Variants in TOR4A observed in about 807,000 individuals in gnomAD.
TOR4A encodes the protein torsin family 4 member A, also known as torsin-4A.
In TOR4A, 12 loss-of-function variants were observed where a neutral mutation model predicts 11.5. The ratio of observed to expected loss-of-function variants is 1.04; its 90% CI spans 0.67 to 1.69. The LOEUF is 1.69. TOR4A is among the 40% of genes most tolerant of loss of function. The pLI, the probability that TOR4A is intolerant of heterozygous loss-of-function variation, is 0.00. For synonymous variants in TOR4A, 362 were observed against 307.4 expected (o/e 1.18, Z -1.86); for missense variants, 640 against 643.2 (o/e 0.99, Z 0.05).
Position 137,279,577 on chromosome 9 carries a change from C to T in TOR4A, c.888C>T (p.Tyr296=), listed in dbSNP as rs762976423. 11 of 1,578,070 alleles carry T rather than the reference C, an allele frequency of 7.0e-6. 1 individual carries two copies. In the South Asian group the frequency reaches 1.0e-4, roughly 14 times the overall value. ...CCCACCACTTCCACAACGCCATCTA[C>T]GTGCTCCTCAGTGGCGCGGGTGGCG... The part of the protein sequence containing the change: ...QRSHHFHNAI[Y]VLLSGAGGAE... Residue 296 remains tyrosine, a synonymous_variant, in exon 2 of 2, where the codon TAC becomes TAT. Coordinates refer to ENST00000357503, the MANE Select transcript of TOR4A (RefSeq NM_017723.3).
Position 137,279,104 on chromosome 9 carries a change from G to T in TOR4A, c.415G>T (p.Glu139Ter). 6.3e-7 allele frequency: 1 copy of T among 1,598,170 alleles called. No individual in the cohort carries two copies. Among genetic ancestry groups the T allele is most frequent in the South Asian group, 1.1e-5 (1 of 88,714 alleles). ...IVGFQVLNAI[E>*]NLDDNAQRYD... ...GGGCTTCCAAGTTCTCAACGCTATC[G>T]AGAACCTGGACGATAACGCGCAGCG... The change falls in exon 2 of 2, where the codon GAG becomes TAG. Residue 139 changes from glutamate to a stop codon, truncating the protein, a stop_gained. Transcript: ENST00000357503. LOFTEE classifies it high-confidence loss of function.
Position 137,279,614 on chromosome 9 carries a change from C to T in TOR4A, c.925C>T (p.Arg309Cys). The T allele has an allele frequency of 6.4e-7, 1 of 1,566,066 alleles. No individual in the cohort carries two copies. The highest frequency in any genetic ancestry group is 1.4e-5 in the African/African-American group (1 of 73,930). Reference sequence around the variant, plus strand: ...TGGCGCGGGTGGCGCCGAGGTCACGCGCTTCGTGCTGCAGAACGCGTCCCG... The same window carrying T: ...TGGCGCGGGTGGCGCCGAGGTCACGTGCTTCGTGCTGCAGAACGCGTCCCG... ...LSGAGGAEVT[R>C]FVLQNASRAL... The change falls in exon 2 of 2, where the codon CGC (arginine) becomes TGC (cysteine). Residue 309 changes from arginine to cysteine, a missense_variant. Physicochemically the swap from Arg to Cys is radical, Grantham distance 180 (BLOSUM62 -3). Transcript: ENST00000357503.
At position 137,281,041 on chromosome 9, in the gene TOR4A, A is replaced by C. The variant is rs1330403345; in HGVS notation, c.*1080A>C. The C allele has an allele frequency of 6.1e-6, 1 of 164,932 alleles. No individual in the cohort carries two copies. Among genetic ancestry groups the C allele is most frequent in the South Asian group, 2.1e-4 (1 of 4,826 alleles). 10.2% of individuals were successfully genotyped at this position (164,932 alleles called of 1,614,324 possible). A position where few individuals can be genotyped will look rare whatever the true frequency, so the allele number is the denominator to read the frequency against. On this transcript the variant is annotated 3_prime_UTR_variant, in exon 2 of 2. Coordinates refer to ENST00000357503, the MANE Select transcript of TOR4A (RefSeq NM_017723.3). Reference sequence around the variant, plus strand: ...TGCCGCCTTGTGGCGCGCCCGGCCCAGCCGGTGGCTTCTGTGGTCGCCGGG... The same window carrying C: ...TGCCGCCTTGTGGCGCGCCCGGCCCCGCCGGTGGCTTCTGTGGTCGCCGGG...
chr9:137,279,579 TG>T lies in TOR4A; in HGVS notation c.891del (p.Leu298SerfsTer123). On this transcript the variant is annotated frameshift_variant, in exon 2 of 2. Transcript: ENST00000357503. LOFTEE classifies it low-confidence loss of function (END_TRUNC). ...CACCACTTCCACAACGCCATCTACG[TG>T]CTCCTCAGTGGCGCGGGTGGCGCCG... ...RSHHFHNAIY[V>X]LLSGAGGAEV... 6.3e-7 allele frequency: 1 copy of T among 1,576,436 alleles called. No individual in the cohort carries two copies. The highest frequency in any genetic ancestry group is 8.6e-7 in the Non-Finnish European group (1 of 1,164,702).
chr9:137,280,095 G>T lies in TOR4A; in HGVS notation c.*134G>T. 9.8e-7 allele frequency: 1 copy of T among 1,022,746 alleles called. No homozygotes were observed. The highest frequency in any genetic ancestry group is 1.6e-5 in the African/African-American group (1 of 61,592). 63.4% of individuals were successfully genotyped at this position (1,022,746 alleles called of 1,614,324 possible). A position where few individuals can be genotyped will look rare whatever the true frequency, so the allele number is the denominator to read the frequency against. On this transcript the variant is annotated 3_prime_UTR_variant, in exon 2 of 2. Transcript: ENST00000357503. ...CGGCTGGTGGGTGCGGATCAGCTTG[G>T]AGCTCTGCTTCCAGGTCCACACCCG... is the stretch of plus-strand genomic sequence containing the variant.
chr9:137,278,878 C>A lies in TOR4A; in HGVS notation c.189C>A (p.Ser63Arg). The A allele has an allele frequency of 6.5e-7, 1 of 1,539,624 alleles. No individual in the cohort carries two copies. Among genetic ancestry groups the A allele is most frequent in the Non-Finnish European group, 8.7e-7 (1 of 1,149,042 alleles). ...VGTGAPRPGC[S>R]PRAPRADLDQ... ...CCGGGGCGCCCAGGCCGGGCTGCAG[C>A]CCCCGGGCACCGCGCGCGGACCTGG... The change falls in exon 2 of 2, where the codon AGC (serine) becomes AGA (arginine). Residue 63 changes from serine (S) to arginine (R), a missense_variant. By Grantham distance (110) the Ser-to-Arg change is moderately radical. Transcript: ENST00000357503.
Position 137,279,103 on chromosome 9 carries a change from C to G in TOR4A, c.414C>G (p.Ile138Met). The stretch of plus-strand genomic sequence containing the variant: ...TGGGCTTCCAAGTTCTCAACGCTAT[C>G]GAGAACCTGGACGATAACGCGCAGC... ...AIVGFQVLNA[I>M]ENLDDNAQRY... Residue 138 changes from isoleucine (I) to methionine (M), a missense_variant, in exon 2 of 2, where the codon ATC becomes ATG. Ile to Met is a conservative substitution (Grantham distance 10, BLOSUM62 1). Coordinates refer to ENST00000357503, the MANE Select transcript of TOR4A (RefSeq NM_017723.3). The G allele has an allele frequency of 6.3e-7, 1 of 1,598,778 alleles. No homozygotes were observed. The highest frequency in any genetic ancestry group is 1.3e-5 in the African/African-American group (1 of 74,762).
At position 137,278,734 on chromosome 9, in the gene TOR4A, C is replaced by G; in HGVS notation, c.45C>G (p.Pro15=). The change falls in exon 2 of 2, where the codon CCC becomes CCG. Residue 15 remains proline, a synonymous_variant. Transcript: ENST00000357503. Reference sequence around the variant, plus strand: ...GCCTGGAGCCTGCTGCCGCGGCCCCCCGAGCCTCGGGCCGGTGCGTGATCG... The same window carrying G: ...GCCTGGAGCCTGCTGCCGCGGCCCCGCGAGCCTCGGGCCGGTGCGTGATCG... ...QPSLEPAAAA[P]RASGRCVIAP... The G allele has an allele frequency of 7.2e-7, 1 of 1,381,356 alleles. No homozygotes were observed. 85.6% of individuals were successfully genotyped at this position (1,381,356 alleles called of 1,614,324 possible).
In TOR4A at chr9:137,279,230, A is replaced by G; in HGVS notation, c.541A>G (p.Thr181Ala). ...GGCGCTGATGCGGGACTACCTGGCC[A>G]CGCATGTGCACAGTCGTCCGCTCCT... ...IVALMRDYLA[T>A]HVHSRPLLLA... Residue 181 changes from threonine (T) to alanine (A), a missense_variant, in exon 2 of 2, where the codon ACG (threonine) becomes GCG (alanine). Thr to Ala is a moderately conservative substitution (Grantham distance 58). Coordinates refer to ENST00000357503, the MANE Select transcript of TOR4A (RefSeq NM_017723.3). 2 of 1,539,260 alleles carry G rather than the reference A, an allele frequency of 1.3e-6. No individual in the cohort carries two copies. The highest frequency in any genetic ancestry group is 1.8e-6 in the Non-Finnish European group (2 of 1,142,452).
rs765721278 is a variant in TOR4A, at chr9:137,278,650, C to T, written c.-37-3C>T. 6 of 1,287,682 alleles carry T rather than the reference C, an allele frequency of 4.7e-6. No individual in the cohort carries two copies. The South Asian group carries it at 6.9e-5, about 15-fold the overall frequency. 79.8% of individuals were successfully genotyped at this position (1,287,682 alleles called of 1,614,324 possible). A position where few individuals can be genotyped will look rare whatever the true frequency, so the allele number is the denominator to read the frequency against. ...AGAGACCCTCCCCGTCTTCCCGTTG[C>T]AGGGAGGGCGACCTGTATGCGGAGC... On this transcript the variant is annotated splice_region_variant and splice_polypyrimidine_tract_variant and intron_variant, in intron 1 of 1. Coordinates refer to ENST00000357503, the MANE Select transcript of TOR4A (RefSeq NM_017723.3).
Position 137,280,384 on chromosome 9 carries a change from T to A in TOR4A, c.*423T>A. On this transcript the variant is annotated 3_prime_UTR_variant, in exon 2 of 2. Coordinates refer to ENST00000357503, the MANE Select transcript of TOR4A (RefSeq NM_017723.3). ...GTTCTCATTCCGGCCCCCCTGGAGATGACCCCGGAGGAGGCCACAGCCAAC... is the reference window on the plus strand; with the variant it reads ...GTTCTCATTCCGGCCCCCCTGGAGAAGACCCCGGAGGAGGCCACAGCCAAC... 1 of 197,308 alleles carries A rather than the reference T, an allele frequency of 5.1e-6. No homozygotes were observed. Among genetic ancestry groups the A allele is most frequent in the Non-Finnish European group, 1.1e-5 (1 of 87,524 alleles). 12.2% of individuals were successfully genotyped at this position (197,308 alleles called of 1,614,324 possible).
chr9:137,279,873 C>G lies in TOR4A; in HGVS notation c.1184C>G (p.Ala395Gly). ...GACCAGGCCCGCGCGGAGAACCTGGCCGCGCAGCTCAGCTTCTACCGCGTG... is the reference window on the plus strand; with the variant it reads ...GACCAGGCCCGCGCGGAGAACCTGGGCGCGCAGCTCAGCTTCTACCGCGTG... ...FPDQARAENL[A>G]AQLSFYRVAG... Residue 395 changes from alanine (A) to glycine (G), a missense_variant, in exon 2 of 2, where the codon GCC (alanine) becomes GGC (glycine). By Grantham distance (60) the Ala-to-Gly change is moderately conservative. Coordinates refer to ENST00000357503, the MANE Select transcript of TOR4A (RefSeq NM_017723.3). The G allele has an allele frequency of 6.3e-7, 1 of 1,583,078 alleles. No individual in the cohort carries two copies. The highest frequency in any genetic ancestry group is 1.1e-5 in the South Asian group (1 of 87,374).
In TOR4A at chr9:137,280,108, A is replaced by G; in HGVS notation, c.*147A>G. ...CGGATCAGCTTGGAGCTCTGCTTCCAGGTCCACACCCGCCTCAGAGTCCGG... is the reference window on the plus strand; with the variant it reads ...CGGATCAGCTTGGAGCTCTGCTTCCGGGTCCACACCCGCCTCAGAGTCCGG... On this transcript the variant is annotated 3_prime_UTR_variant, in exon 2 of 2. Coordinates refer to ENST00000357503, the MANE Select transcript of TOR4A (RefSeq NM_017723.3). 5.6e-6 allele frequency: 5 copies of G among 887,714 alleles called. No homozygotes were observed. The highest frequency in any genetic ancestry group is 8.5e-6 in the Non-Finnish European group (5 of 588,620). 55.0% of individuals were successfully genotyped at this position (887,714 alleles called of 1,614,324 possible). A position where few individuals can be genotyped will look rare whatever the true frequency, so the allele number is the denominator to read the frequency against.
Position 137,279,408 on chromosome 9 carries a change from G to C in TOR4A, c.719G>C (p.Arg240Pro), listed in dbSNP as rs1376416821. The C allele has an allele frequency of 6.5e-7, 1 of 1,533,842 alleles. No individual in the cohort carries two copies. Among genetic ancestry groups the C allele is most frequent in the African/African-American group, 1.4e-5 (1 of 72,456 alleles). Residue 240 changes from arginine (R) to proline (P), a missense_variant, in exon 2 of 2, where the codon CGC becomes CCC. By Grantham distance (103) the Arg-to-Pro change is moderately radical. Coordinates refer to ENST00000357503, the MANE Select transcript of TOR4A (RefSeq NM_017723.3). ...GAGGCGCGCGCCGCACAGGACTGCCGCGAGGAGCTGGCGCGGCGCGTGGCC... is the reference window on the plus strand; with the variant it reads ...GAGGCGCGCGCCGCACAGGACTGCCCCGAGGAGCTGGCGCGGCGCGTGGCC... ...CPEARAAQDC[R>P]EELARRVADV...
chr9:137,279,514 G>T lies in TOR4A; in HGVS notation c.825G>T (p.Leu275=). ...ACGTGGAGCTCATGCCGCGGCCGCT[G>T]CTGGACGAGCTGCACGGCTTCCTGC... ...LDDVELMPRP[L]LDELHGFLQP... The change falls in exon 2 of 2, where the codon CTG becomes CTT. Residue 275 remains leucine, a synonymous_variant. Coordinates refer to ENST00000357503, the MANE Select transcript of TOR4A (RefSeq NM_017723.3). 1 of 1,584,290 alleles carries T rather than the reference G, an allele frequency of 6.3e-7. No individual in the cohort carries two copies.
Position 137,279,453 on chromosome 9 carries a change from A to G in TOR4A, c.764A>G (p.Glu255Gly), listed in dbSNP as rs1830688395. 1 of 1,543,768 alleles carries G rather than the reference A, an allele frequency of 6.5e-7. No individual in the cohort carries two copies. The highest frequency in any genetic ancestry group is 1.4e-5 in the African/African-American group (1 of 72,824). The change falls in exon 2 of 2, where the codon GAA (glutamate) becomes GGA (glycine). Residue 255 changes from glutamate to glycine, a missense_variant. By Grantham distance (98) the Glu-to-Gly change is moderately conservative. Coordinates refer to ENST00000357503, the MANE Select transcript of TOR4A (RefSeq NM_017723.3). ...RRVADVVARA[E>G]AEEKTPLLVL... The stretch of plus-strand genomic sequence containing the variant: ...GTGGCCGACGTGGTGGCGCGGGCCG[A>G]AGCGGAGGAGAAGACCCCACTCTTG...
At position 137,279,695 on chromosome 9, in the gene TOR4A, G is replaced by A. The variant is rs1481837730; in HGVS notation, c.1006G>A (p.Ala336Thr). 1.3e-6 allele frequency: 2 copies of A among 1,571,602 alleles called. No individual in the cohort carries two copies. Among genetic ancestry groups the A allele is most frequent in the East Asian group, 2.3e-5 (1 of 43,430 alleles). The part of the protein sequence containing the change: ...FRSAEAAAAQ[A>T]EEDLRASLLA... ...CAGTGCCGAGGCCGCAGCGGCGCAG[G>A]CGGAAGAAGACCTGCGCGCCAGCCT... The change falls in exon 2 of 2, where the codon GCG (alanine) becomes ACG (threonine). Residue 336 changes from alanine to threonine, a missense_variant. Transcript: ENST00000357503.
chr9:137,279,665 T>A lies in TOR4A; in HGVS notation c.976T>A (p.Phe326Ile), dbSNP rs200176651. The A allele has an allele frequency of 6.4e-7, 1 of 1,566,470 alleles. No homozygotes were observed. Residue 326 changes from phenylalanine (F) to isoleucine (I), a missense_variant, in exon 2 of 2, where the codon TTC becomes ATC. By Grantham distance (21) the Phe-to-Ile change is conservative. Transcript: ENST00000357503. Reference sequence around the variant, plus strand: ...CGCGCTGCCCCTGCGCCCCGACGGCTTCCGCAGTGCCGAGGCCGCAGCGGC... The same window carrying A: ...CGCGCTGCCCCTGCGCCCCGACGGCATCCGCAGTGCCGAGGCCGCAGCGGC... ...SRALPLRPDGFRSAEAAAAQA... is the reference protein window; with the variant it reads ...SRALPLRPDGIRSAEAAAAQA...
chr9:137,281,669 C>G lies in TOR4A; in HGVS notation c.*1708C>G, dbSNP rs1231134814. On this transcript the variant is annotated 3_prime_UTR_variant, in exon 2 of 2. Transcript: ENST00000357503. ...GGCTGCCCCGTCCTGCCCAGAGGGTCCTGAGGACTCCCGCTGCTCCTGGAG... is the reference window on the plus strand; with the variant it reads ...GGCTGCCCCGTCCTGCCCAGAGGGTGCTGAGGACTCCCGCTGCTCCTGGAG... 1 of 158,118 alleles carries G rather than the reference C, an allele frequency of 6.3e-6. No individual in the cohort carries two copies. Among genetic ancestry groups the G allele is most frequent in the Non-Finnish European group, 1.5e-5 (1 of 68,112 alleles). The allele number at this position is 158,118 out of a possible 1,614,324, so 9.8% of individuals were successfully genotyped here.
Sources: allele counts gnomAD v4.1 joint callset, GRCh38; gene constraint gnomAD v4.1.1; transcripts MANE v1.5; gene names NCBI Gene and HGNC (gene_info 2026-07-23, HGNC 2026-07-21).